ZNF654: variants seen among roughly 807,000 people sequenced by gnomAD.
ZNF654 encodes the protein zinc finger protein 654.
Under a neutral mutation model 95.3 loss-of-function variants are expected in ZNF654, and 19 were observed. The ratio of observed to expected loss-of-function variants is 0.20; its 90% CI spans 0.14 to 0.29. The LOEUF is 0.29. ZNF654 is among the 10% of genes least tolerant of loss of function. The pLI is 1.00. For missense variants in ZNF654, 1,046 were observed against 1,341.0 expected (o/e 0.78, Z 3.44); for synonymous variants, 413 against 457.9 (o/e 0.90, Z 1.25).
Position 88,086,260 on chromosome 3 carries a change from G to A in ZNF654, c.190G>A (p.Val64Ile), listed in dbSNP as rs1406835584. 2 of 1,533,236 alleles carry A rather than the reference G, an allele frequency of 1.3e-6. No homozygotes were observed. Among genetic ancestry groups the A allele is most frequent in the East Asian group, 4.9e-5 (2 of 40,914 alleles). The allele number at this position is 1,533,236 out of a possible 1,614,324, so 95.0% of individuals were successfully genotyped here. Residue 64 changes from valine (V) to isoleucine (I), a missense_variant, in exon 2 of 9, where the codon GTT becomes ATT. Around this residue, in one of 9 missense-constraint regions of ZNF654, gnomAD observed 91 missense variants for 190.5 expected, o/e 0.48. Coordinates refer to ENST00000636215, the MANE Select transcript of ZNF654 (RefSeq NM_001350134.2). ...GTCTGGATTGCTTCTCTGTCAGGTG[G>A]TTGAAGATTATGCTGGAAGATGGCA... ...RDYCRRFCQV[V>I]EDYAGRWQVP... is the part of the protein sequence containing the mutation.
intron 2 of ZNF654, among the ~76,000 whole-genome samples, chr3:88,098,752 G>T (rs1704218206): frequency 6.6e-6 from 1 of 152,180 alleles, no homozygotes; most frequent in African/African-American, 2.4e-5. Context: ...CTCAATAGAT[G>T]CAGAAAAGGC....
At position 88,086,266 on chromosome 3, in the gene ZNF654, G is replaced by C; in HGVS notation, c.196G>C (p.Asp66His). 2.6e-6 allele frequency: 4 copies of C among 1,533,662 alleles called. No homozygotes were observed. The highest frequency in any genetic ancestry group is 2.6e-6 in the Non-Finnish European group (3 of 1,146,604). ...ATTGCTTCTCTGTCAGGTGGTTGAA[G>C]ATTATGCTGGAAGATGGCAGGTCCC... ...YCRRFCQVVE[D>H]YAGRWQVPLP... The change falls in exon 2 of 9, where the codon GAT becomes CAT. Residue 66 changes from aspartate to histidine, a missense_variant. Asp to His is a moderately conservative substitution (Grantham distance 81). Around this residue, in one of 9 missense-constraint regions of ZNF654, gnomAD observed 91 missense variants for 190.5 expected, o/e 0.48. Transcript: ENST00000636215.
chr3:88,065,835 TC>T, intron 1 of ZNF654, among the ~76,000 whole-genome samples: 1 of 152,148 alleles, frequency 6.6e-6, no homozygotes, highest in Non-Finnish European at 1.5e-5. Context: ...AAAGCGCTTC[TC>T]AGCACCCATC....
intron 3 of ZNF654, among the ~76,000 whole-genome samples, chr3:88,125,141 G>A (rs1197613211): frequency 6.6e-6 from 1 of 151,686 alleles, no homozygotes; most frequent in African/African-American, 2.4e-5. Flanking sequence ...CTTGAACCTG[G>A]GAGGCAGAGG....
intron 1 of ZNF654, among the ~76,000 whole-genome samples, chr3:88,085,543 A>G (rs1708295505): frequency 6.6e-6 from 1 of 152,204 alleles, no homozygotes; most frequent in Non-Finnish European, 1.5e-5. Context: ...TTTTGTTAAT[A>G]TAATATATTG....
chr3:88,108,973 T>C (rs947243974), intron 2 of ZNF654, among the ~76,000 whole-genome samples: 1 of 152,120 alleles, frequency 6.6e-6, no homozygotes, highest in African/African-American at 2.4e-5. Context: ...ACATGGTGCA[T>C]GTTAAGGTGC....
At chr3:88,133,573 A>C (rs1242239839) in intron 6 of ZNF654, among the ~76,000 whole-genome samples, 1 of 148,838 alleles carries the variant, frequency 6.7e-6, no homozygotes, top group Non-Finnish European at 1.5e-5. Flanking sequence ...CTTAGGAATG[A>C]AGTACTTTCC....
chr3:88,070,992 G>T (rs1215620437), intron 1 of ZNF654, among the ~76,000 whole-genome samples: 1 of 152,042 alleles, frequency 6.6e-6, no homozygotes, highest in Non-Finnish European at 1.5e-5. Context: ...CTGAGGGAAA[G>T]ATATAAAACG....
At position 88,139,258 on chromosome 3, in the gene ZNF654, T is replaced by G. The variant is rs570519004; in HGVS notation, c.1589T>G (p.Leu530Arg). The change falls in exon 8 of 9, where the codon CTT becomes CGT. Residue 530 changes from leucine to arginine, a missense_variant. Physicochemically the swap from Leu to Arg is moderately radical, Grantham distance 102. Around this residue, in one of 9 missense-constraint regions of ZNF654, gnomAD observed 100 missense variants for 108.9 expected, o/e 0.92. Transcript: ENST00000636215. ...PKGHINTKKN[L>R]TALSTSKVDH... is the part of the protein sequence containing the mutation. ...GGTCATATTAATACGAAGAAAAATC[T>G]TACAGCTCTCAGTACTTCCAAAGTA... The G allele has an allele frequency of 3.9e-6, 6 of 1,532,850 alleles. No individual in the cohort carries two copies. Among genetic ancestry groups the G allele is most frequent in the Non-Finnish European group, 5.2e-6 (6 of 1,146,588 alleles). 95.0% of individuals were successfully genotyped at this position (1,532,850 alleles called of 1,614,324 possible).
chr3:88,087,167 C>T (rs1708379922), intron 2 of ZNF654, among the ~76,000 whole-genome samples: 1 of 152,118 alleles, frequency 6.6e-6, no homozygotes, highest in Non-Finnish European at 1.5e-5. Context: ...CAACCTCTAC[C>T]TCCCAGGTTC....
chr3:88,121,416 A>G (rs541140906), intron 3 of ZNF654, among the ~76,000 whole-genome samples: 1 of 152,150 alleles, frequency 6.6e-6, no homozygotes, highest in Non-Finnish European at 1.5e-5. Context: ...GATACTTCCA[A>G]ATGTTCATTT....
chr3:88,102,973 A>G (rs1704519448), intron 2 of ZNF654, among the ~76,000 whole-genome samples: 1 of 151,988 alleles, frequency 6.6e-6, no homozygotes, highest in Non-Finnish European at 1.5e-5. Flanking sequence ...TAGTTTTTAA[A>G]TCCTACCCTC....
At chr3:88,060,643 A>C (rs1399074091) in intron 1 of ZNF654, among the ~76,000 whole-genome samples, 1 of 152,178 alleles carries the variant, frequency 6.6e-6, no homozygotes. Context: ...AAGAGGAGTA[A>C]TAGTTAAATA....
At chr3:88,091,958 A>G (rs896622979) in intron 2 of ZNF654, among the ~76,000 whole-genome samples, 2 of 152,214 alleles carry the variant, frequency 1.3e-5, no homozygotes, top group African/African-American at 2.4e-5. Context: ...TAGCTTTTCT[A>G]CTACTGCCCA....
chr3:88,067,630 G>T (rs1270055152), intron 1 of ZNF654, among the ~76,000 whole-genome samples: 1 of 152,208 alleles, frequency 6.6e-6, no homozygotes, highest in East Asian at 1.9e-4. Context: ...CAAGGAAAGA[G>T]AATGTTTTAG....
At chr3:88,068,772 T>G (rs995190573) in intron 1 of ZNF654, among the ~76,000 whole-genome samples, 4 of 152,202 alleles carry the variant, frequency 2.6e-5, no homozygotes, top group African/African-American at 9.6e-5. Context: ...ATTCTCATTT[T>G]TATAGGTCAG....
intron 1 of ZNF654, among the ~76,000 whole-genome samples, chr3:88,079,068 T>C (rs2107639741): frequency 6.6e-6 from 1 of 152,214 alleles, no homozygotes; most frequent in African/African-American, 2.4e-5. Flanking sequence ...CGTACAGTTA[T>C]ACCGTAAAAA....
chr3:88,111,574 A>G (rs919694957), intron 2 of ZNF654, among the ~76,000 whole-genome samples: 3 of 151,996 alleles, frequency 2.0e-5, no homozygotes, highest in African/African-American at 7.2e-5. Flanking sequence ...GTATGGATAT[A>G]TTTAATTTAC....
intron 1 of ZNF654, among the ~76,000 whole-genome samples, chr3:88,084,965 T>C (rs1038009262): frequency 6.6e-6 from 1 of 152,208 alleles, no homozygotes; most frequent in Admixed American, 6.5e-5. Flanking sequence ...GGAGAAAATA[T>C]CTTCATTATA....
Sources: allele counts gnomAD v4.1 joint callset (sites outside exome capture counted in the v4.1 genomes callset), GRCh38; gene constraint gnomAD v4.1.1; regional missense constraint gnomAD v4.1.1; transcripts MANE v1.5; gene names NCBI Gene and HGNC (gene_info 2026-07-23, HGNC 2026-07-21).